Variants in TMEM117 observed in about 807,000 individuals in gnomAD.
TMEM117 encodes transmembrane protein 117.
TMEM117 carries 27 observed loss-of-function variants against 52.4 expected under a neutral mutation model. That is an observed-to-expected ratio of 0.51 (90% CI 0.38 to 0.71). TMEM117 has a LOEUF of 0.71. Among genes scored for constraint, TMEM117 ranks in the 30% least tolerant of loss-of-function variants. The pLI is 0.00. For synonymous variants in TMEM117, 215 were observed against 206.3 expected (o/e 1.04, Z -0.36); for missense variants, 556 against 630.5 (o/e 0.88, Z 1.26).
At chr12:43,955,491 A>G (rs1287791430) in intron 3 of TMEM117, among the ~76,000 whole-genome samples, 1 of 152,208 alleles carries the variant, frequency 6.6e-6, no homozygotes, top group African/African-American at 2.4e-5. Context: ...ATTCCCATAC[A>G]TCTACTGCAG....
intron 6 of TMEM117, among the ~76,000 whole-genome samples, chr12:44,324,238 G>A (rs765558683): frequency 6.6e-6 from 1 of 151,944 alleles, no homozygotes; most frequent in African/African-American, 2.4e-5. Context: ...GTTGACTTCT[G>A]CTTGCCTGTA....
At chr12:43,881,060 T>G (rs916990096) in intron 2 of TMEM117, among the ~76,000 whole-genome samples, 1 of 152,232 alleles carries the variant, frequency 6.6e-6, no homozygotes, top group Admixed American at 6.5e-5. Context: ...TTTTTAATGC[T>G]TGTTTATTTT....
At chr12:44,078,760 G>A (rs1040051054) in intron 3 of TMEM117, among the ~76,000 whole-genome samples, 2 of 151,796 alleles carry the variant, frequency 1.3e-5, no homozygotes, top group African/African-American at 4.8e-5. Context: ...TGAAGAATGT[G>A]CAGGTTTGTT....
intron 5 of TMEM117, among the ~76,000 whole-genome samples, chr12:44,254,339 G>C (rs1381882178): frequency 6.6e-6 from 1 of 151,942 alleles, no homozygotes; most frequent in East Asian, 1.9e-4. Context: ...AGAACACTAT[G>C]AAGTAGACAG....
intron 6 of TMEM117, among the ~76,000 whole-genome samples, chr12:44,356,597 C>G (rs1298388335): frequency 6.6e-6 from 1 of 152,066 alleles, no homozygotes; most frequent in African/African-American, 2.4e-5. Context: ...TATAATTATT[C>G]CCCAAATCTT....
chr12:44,087,734 G>A (rs1947595769), intron 3 of TMEM117, among the ~76,000 whole-genome samples: 1 of 151,980 alleles, frequency 6.6e-6, no homozygotes, highest in Non-Finnish European at 1.5e-5. Flanking sequence ...CAAAGTGCTG[G>A]GATTACAGGC....
chr12:44,379,994 A>G (rs928082112), intron 7 of TMEM117, among the ~76,000 whole-genome samples: 1 of 152,196 alleles, frequency 6.6e-6, no homozygotes, highest in Non-Finnish European at 1.5e-5. Flanking sequence ...TGCCTGAGGT[A>G]TGCAGCAGAC....
intron 6 of TMEM117, among the ~76,000 whole-genome samples, chr12:44,327,393 G>A (rs1002585289): frequency 3.3e-5 from 5 of 152,134 alleles, no homozygotes; most frequent in Non-Finnish European, 7.3e-5. Flanking sequence ...GTTTGGAATC[G>A]AAATGCATAA....
chr12:44,344,780 A>G (rs1253371973), intron 6 of TMEM117, among the ~76,000 whole-genome samples: 2 of 152,106 alleles, frequency 1.3e-5, no homozygotes, highest in African/African-American at 2.4e-5. Flanking sequence ...ACATAGTTAC[A>G]TGTCTGCAGT....
intron 3 of TMEM117, among the ~76,000 whole-genome samples, chr12:44,128,254 A>G (rs1329781572): frequency 6.6e-6 from 1 of 151,960 alleles, no homozygotes; most frequent in Admixed American, 6.5e-5. Flanking sequence ...GTTTTCTTCT[A>G]CTTCAAACAC....
intron 3 of TMEM117, among the ~76,000 whole-genome samples, chr12:44,108,211 A>T (rs926751442): frequency 2.6e-5 from 4 of 151,306 alleles, no homozygotes; most frequent in Non-Finnish European, 4.4e-5. Context: ...TTATTTATTT[A>T]TTTTTTATTA....
chr12:44,017,816 G>C (rs1004992731), intron 3 of TMEM117, among the ~76,000 whole-genome samples: 1 of 152,056 alleles, frequency 6.6e-6, no homozygotes, highest in African/African-American at 2.4e-5. Flanking sequence ...AGAGAAAACA[G>C]GTTCTTCAAT....
chr12:43,830,769 T>C, the TMEM117 span, among the ~76,000 whole-genome samples: 4 of 152,086 alleles, frequency 2.6e-5, no homozygotes, highest in East Asian at 1.9e-4. Flanking sequence ...ATAATGATGA[T>C]AAAAAGAGCC....
the TMEM117 span, among the ~76,000 whole-genome samples, chr12:43,818,432 T>TG: frequency 1.0e-4 from 15 of 148,540 alleles, no homozygotes; most frequent in African/African-American, 2.3e-4. Context: ...TTTTTTTTTG[T>TG]GTTTTTTTTT....
intron 6 of TMEM117, among the ~76,000 whole-genome samples, chr12:44,361,192 C>T (rs372569412): frequency 1.3e-5 from 2 of 152,130 alleles, no homozygotes; most frequent in Non-Finnish European, 2.9e-5. Flanking sequence ...AAAAACTCCA[C>T]GCTATAATTT....
At chr12:44,043,530 C>A (rs1229259380) in intron 3 of TMEM117, among the ~76,000 whole-genome samples, 1 of 152,146 alleles carries the variant, frequency 6.6e-6, no homozygotes, top group African/African-American at 2.4e-5. Flanking sequence ...GTGGCAACAT[C>A]CCCTCCCCGA....
At chr12:44,043,804 A>C (rs968706845) in intron 3 of TMEM117, among the ~76,000 whole-genome samples, 3 of 152,228 alleles carry the variant, frequency 2.0e-5, no homozygotes, top group Non-Finnish European at 4.4e-5. Flanking sequence ...TTATATAAAC[A>C]GAAATCTGGA....
At chr12:44,002,295 G>A (rs1946128145) in intron 3 of TMEM117, among the ~76,000 whole-genome samples, 1 of 152,170 alleles carries the variant, frequency 6.6e-6, no homozygotes, top group Admixed American at 6.5e-5. Context: ...CCCCTTTTAT[G>A]GAAGCTGAGG....
rs544939644 is a variant in TMEM117 at position 44,143,828 on chromosome 12, A to G, written c.510+204A>G. Among the ~76,000 whole-genome samples, 3 of 152,302 alleles carry G rather than the reference A, an allele frequency of 2.0e-5. No homozygotes were observed. In the East Asian group the frequency reaches 5.8e-4, roughly 29 times the overall value. ...AAATCAATGCAATTAGAATACAAGT[A>G]ATGGCACTCCACCAGAATCTGTCGA... On this transcript the variant is annotated intron_variant, in intron 4 of 7. Coordinates refer to ENST00000266534, the MANE Select transcript of TMEM117 (RefSeq NM_032256.3).
Sources: gnomAD v4.1 joint callset for allele counts (sites outside exome capture counted in the v4.1 genomes callset) on GRCh38, gnomAD v4.1.1 for gene constraint, MANE v1.5 for transcripts, NCBI Gene and HGNC (gene_info 2026-07-23, HGNC 2026-07-21) for gene names.